Variants in CCDC83 observed in about 807,000 individuals in gnomAD.
CCDC83 encodes the protein coiled-coil domain-containing protein 83.
CCDC83 carries 54 observed loss-of-function variants against 50.1 expected under a neutral mutation model. That is an observed-to-expected ratio of 1.08 (90% CI 0.87 to 1.35). The LOEUF (loss-of-function observed/expected upper bound fraction) is 1.35. Ranked by LOEUF, CCDC83 falls within the 40% of genes most tolerant of loss-of-function variation. The pLI is 0.00. For synonymous variants in CCDC83, 161 were observed against 153.3 expected (o/e 1.05, Z -0.37); for missense variants, 518 against 473.9 (o/e 1.09, Z -0.86).
At chr11:85,877,707 A>G (rs559335024) in intron 3 of CCDC83, among the ~76,000 whole-genome samples, 1 of 152,278 alleles carries the variant, frequency 6.6e-6, no homozygotes, top group African/African-American at 2.4e-5. Context: ...TTGCCTGTAT[A>G]TCATGGTAAA....
chr11:85,882,133 CAAA>C (rs56085244), intron 3 of CCDC83, among the ~76,000 whole-genome samples: 21,116 of 144,120 alleles, frequency 0.15, 1,784 homozygotes, highest in Middle Eastern at 0.2. Context: ...TCTAAAAAAA[CAAA>C]AATAATAATA....
chr11:85,873,239 C>G lies in CCDC83; in HGVS notation c.124C>G (p.Gln42Glu). The G allele has an allele frequency of 6.4e-7, 1 of 1,557,344 alleles. No individual in the cohort carries two copies. Among genetic ancestry groups the G allele is most frequent in the Non-Finnish European group, 8.7e-7 (1 of 1,148,364 alleles). ...TCAAATAAAGGAAGATGCCGTGGAG[C>G]AATTCATGTTTCAAATAAAGACACT... ...QCQIKEDAVEQFMFQIKTLRK... is the reference protein window; with the variant it reads ...QCQIKEDAVEEFMFQIKTLRK... Residue 42 changes from glutamine (Q) to glutamate (E), a missense_variant, in exon 3 of 11, where the codon CAA becomes GAA. Physicochemically the swap from Gln to Glu is conservative, Grantham distance 29 (BLOSUM62 2). Transcript: ENST00000342404.
At chr11:85,868,986 G>A (rs929552059) in intron 2 of CCDC83, among the ~76,000 whole-genome samples, 2 of 152,192 alleles carry the variant, frequency 1.3e-5, no homozygotes, top group East Asian at 1.9e-4. Context: ...TGAGCTCAGA[G>A]TTTCTTTGTT....
chr11:85,916,216 G>T lies in CCDC83; in HGVS notation c.1063G>T (p.Asp355Tyr), dbSNP rs1209791921. 6.2e-7 allele frequency: 1 copy of T among 1,607,456 alleles called. No individual in the cohort carries two copies. The highest frequency in any genetic ancestry group is 8.5e-7 in the Non-Finnish European group (1 of 1,176,716). ...TGATATGAAGTACTTACTATATGAG[G>T]ATGAGAAGGATTTCAAGGTAAGATT... The part of the protein sequence containing the change: ...DTDMKYLLYE[D>Y]EKDFKDYVNL... The change falls in exon 10 of 11, where the codon GAT (aspartate) becomes TAT (tyrosine). Residue 355 changes from aspartate to tyrosine, a missense_variant. Coordinates refer to ENST00000342404, the MANE Select transcript of CCDC83 (RefSeq NM_001286159.2).
intron 2 of CCDC83, among the ~76,000 whole-genome samples, chr11:85,870,697 G>T (rs950062476): frequency 2.6e-5 from 4 of 152,070 alleles, no homozygotes; most frequent in Admixed American, 2.6e-4. Flanking sequence ...TGTGGAGGCT[G>T]CCCTATCTAC....
chr11:85,916,988 G>A (rs940275241), intron 10 of CCDC83, among the ~76,000 whole-genome samples: 1 of 151,754 alleles, frequency 6.6e-6, no homozygotes, highest in African/African-American at 2.4e-5. Context: ...GTGCGTGCCT[G>A]TAATCCCAGC....
Position 85,898,974 on chromosome 11 carries a change from A to G in CCDC83, c.631A>G (p.Ser211Gly). ...TGCTGTAAAGCTCATTGACAAGGGCAGTTATCTAGAGATCTGGGAGAATGA... is the reference window on the plus strand; with the variant it reads ...TGCTGTAAAGCTCATTGACAAGGGCGGTTATCTAGAGATCTGGGAGAATGA... The part of the protein sequence containing the change: ...QNAVKLIDKG[S>G]YLEIWENDWL... The change falls in exon 7 of 11, where the codon AGT becomes GGT. Residue 211 changes from serine to glycine, a missense_variant. Physicochemically the swap from Ser to Gly is moderately conservative, Grantham distance 56. Coordinates refer to ENST00000342404, the MANE Select transcript of CCDC83 (RefSeq NM_001286159.2). 1.9e-6 allele frequency: 3 copies of G among 1,612,646 alleles called. No individual in the cohort carries two copies. Among genetic ancestry groups the G allele is most frequent in the Non-Finnish European group, 2.5e-6 (3 of 1,179,058 alleles).
At chr11:85,873,440 C>T (rs2093251458) in intron 3 of CCDC83, 145 bp downstream of exon 3, 1 of 439,264 alleles carries the variant, frequency 2.3e-6, no homozygotes, top group Non-Finnish European at 4.1e-6. Context: ...ATTTAAGTTT[C>T]TTTATACATG....
intron 5 of CCDC83, among the ~76,000 whole-genome samples, chr11:85,889,840 A>G (rs2093343747): frequency 6.6e-6 from 1 of 152,228 alleles, no homozygotes; most frequent in African/African-American, 2.4e-5. Context: ...AGAGGATATT[A>G]AAACTTTTTA....
chr11:85,914,493 C>T (rs1397637107), intron 8 of CCDC83, among the ~76,000 whole-genome samples: 1 of 152,168 alleles, frequency 6.6e-6, no homozygotes, highest in Non-Finnish European at 1.5e-5. Context: ...TACCACTAAG[C>T]AAAAGCCAGG....
intron 1 of CCDC83, among the ~76,000 whole-genome samples, 170 bp downstream of exon 1, chr11:85,855,754 C>T (rs1240446420): frequency 6.6e-6 from 1 of 152,142 alleles, no homozygotes; most frequent in Non-Finnish European, 1.5e-5. Context: ...GGAAACAGGT[C>T]AGAGGTTCAG....
chr11:85,919,227 G>A, intron 10 of CCDC83, 122 bp from the exon 11 acceptor site: 2 of 849,444 alleles, frequency 2.4e-6, no homozygotes, highest in Non-Finnish European at 3.7e-6. Context: ...ACAGCATCAG[G>A]CAATTAGGGG....
chr11:85,865,609 C>A (rs1402995179), intron 2 of CCDC83, among the ~76,000 whole-genome samples: 1 of 152,146 alleles, frequency 6.6e-6, no homozygotes, highest in Non-Finnish European at 1.5e-5. Flanking sequence ...TAGAAGAGGC[C>A]GGGCATGGTG....
Position 85,872,230 on chromosome 11 carries a change from AC to A in CCDC83, c.96-977del, listed in dbSNP as rs572381346. 2.6e-5 allele frequency among the ~76,000 whole-genome samples: 4 copies of A among 152,186 alleles called. No individual in the cohort carries two copies. In the South Asian group the frequency reaches 8.3e-4, roughly 32 times the overall value. On this transcript the variant is annotated intron_variant, in intron 2 of 10. Transcript: ENST00000342404. ...CCGGGCACGGTGGCTCACACCTGTA[AC>A]CCCAGCACTTTGAGAGCCCGAAGCG...
chr11:85,917,126 GA>G lies in CCDC83; in HGVS notation c.1080+898del, dbSNP rs1356956085. Among the ~76,000 whole-genome samples the G allele has an allele frequency of 6.0e-5, 5 of 82,776 alleles. No individual in the cohort carries two copies. In the South Asian group the frequency reaches 2.1e-3, roughly 35 times the overall value. The allele number at this position is 82,776 out of a possible 152,430, so 54.3% of individuals were successfully genotyped here. On this transcript the variant is annotated intron_variant, in intron 10 of 10. Transcript: ENST00000342404. ...ACTCTGAAAAGAAAGAAAGAAAAAA[GA>G]AAAAGAAAGAGAGAGAGAGAGAGAG...
chr11:85,907,267 CT>C (rs1448318924), intron 7 of CCDC83, among the ~76,000 whole-genome samples: 1 of 151,916 alleles, frequency 6.6e-6, no homozygotes, highest in Non-Finnish European at 1.5e-5. Flanking sequence ...TAACTATTTT[CT>C]TTTTTTCATG....
chr11:85,880,000 A>G (rs535710592), intron 3 of CCDC83, among the ~76,000 whole-genome samples: 33 of 152,316 alleles, frequency 2.2e-4, no homozygotes, highest in African/African-American at 7.2e-4. Flanking sequence ...AGTCTTGACT[A>G]CTATAGCTAT....
intron 4 of CCDC83, among the ~76,000 whole-genome samples, chr11:85,884,744 C>T (rs1438672517): frequency 6.6e-6 from 1 of 152,280 alleles, no homozygotes; most frequent in Middle Eastern, 3.4e-3. Context: ...ACATCCATCT[C>T]CCTTTTACAA....
At chr11:85,865,899 GAA>G (rs766010816) in intron 2 of CCDC83, among the ~76,000 whole-genome samples, 8 of 109,606 alleles carry the variant, frequency 7.3e-5, no homozygotes, top group Admixed American at 1.0e-4. Context: ...GTTCCATCTC[GAA>G]AAAAAAAAAA....
Sources: allele counts gnomAD v4.1 joint callset (sites outside exome capture counted in the v4.1 genomes callset), GRCh38; gene constraint gnomAD v4.1.1; transcripts MANE v1.5; gene names NCBI Gene and HGNC (gene_info 2026-07-23, HGNC 2026-07-21).